Variants in SIPA1L2 observed in about 807,000 individuals in gnomAD.
SIPA1L2 encodes the protein signal induced proliferation associated 1 like 2.
SIPA1L2 carries 56 observed loss-of-function variants against 163.9 expected under a neutral mutation model. That is an observed-to-expected ratio of 0.34 (90% CI 0.28 to 0.43). The LOEUF (loss-of-function observed/expected upper bound fraction) is 0.43. Among genes scored for constraint, SIPA1L2 ranks in the 20% least tolerant of loss-of-function variants. SIPA1L2 has a pLI of 1.00. For missense variants in SIPA1L2, 1,974 were observed against 2,193.5 expected (o/e 0.90, Z 2.00); for synonymous variants, 877 against 865.7 (o/e 1.01, Z -0.23).
rs114066281 is a variant in SIPA1L2, at chr1:232,461,772, A to G, written c.2821-611T>C. On this transcript the variant is annotated intron_variant, in intron 9 of 22. Transcript: ENST00000674635. ...AAAGTCAGAGCTTTAGGAAAACTCTAAATGTTCTCTACGCACCAGCCCTAG... is the reference window on the plus strand; with the variant it reads ...AAAGTCAGAGCTTTAGGAAAACTCTGAATGTTCTCTACGCACCAGCCCTAG... Among the ~76,000 whole-genome samples the G allele has an allele frequency of 1.5e-3, 223 of 152,324 alleles. 1 individual carries two copies. Among genetic ancestry groups the G allele is most frequent in the Non-Finnish European group, 2.7e-3 (183 of 68,024 alleles).
rs546871117 is a variant in SIPA1L2, at chr1:232,621,837, G to A, written c.-319+8032C>T. On this transcript the variant is annotated intron_variant, in intron 1 of 22. Transcript: ENST00000674635. ...CTCGAACGCCTGGGCTCAAGGGATC[G>A]GCCCTCCTCAGCCTCCCCAGTGGCT... Among the ~76,000 whole-genome samples, 616 of 151,554 alleles carry A rather than the reference G, an allele frequency of 4.1e-3. 1 individual carries two copies. Among genetic ancestry groups the A allele is most frequent in the Non-Finnish European group, 6.8e-3 (461 of 67,920 alleles).
chr1:232,464,973 G>C lies in SIPA1L2; in HGVS notation c.2687C>G (p.Ser896Cys), dbSNP rs1247486415. The C allele has an allele frequency of 3.7e-6, 6 of 1,614,016 alleles. No homozygotes were observed. The highest frequency in any genetic ancestry group is 5.1e-6 in the Non-Finnish European group (6 of 1,180,038). ...TGTCCACCCAATCACATCCCTGCAG[G>C]AACAGTTGAATACAACATTCTTGGA... The part of the protein sequence containing the change: ...KDSKNVVFNC[S>C]CRDVIGWTSG... Residue 896 changes from serine (S) to cysteine (C), a missense_variant, in exon 9 of 23, where the codon TCC (serine) becomes TGC (cysteine). Around this residue, in one of 3 missense-constraint regions of SIPA1L2, gnomAD observed 1,079 missense variants for 1,150.7 expected, o/e 0.94. Coordinates refer to ENST00000674635, the MANE Select transcript of SIPA1L2 (RefSeq NM_020808.5).
chr1:232,616,977 G>T (rs1243682930), intron 1 of SIPA1L2, among the ~76,000 whole-genome samples: 5 of 152,062 alleles, frequency 3.3e-5, no homozygotes, highest in Non-Finnish European at 7.4e-5. Context: ...ATTTTTTCAG[G>T]GCTAATTGAT....
At chr1:232,520,912 A>C (rs1667432013) in intron 2 of SIPA1L2, among the ~76,000 whole-genome samples, 1 of 152,238 alleles carries the variant, frequency 6.6e-6, no homozygotes, top group African/African-American at 2.4e-5. Context: ...AATGGCTATA[A>C]AACAACCCAT....
In SIPA1L2 at chr1:232,425,752, G is replaced by A. The variant is rs374373171; in HGVS notation, c.4467C>T (p.Asp1489=). Residue 1489 remains aspartate, a synonymous_variant, in exon 18 of 23, where the codon GAC becomes GAT. Coordinates refer to ENST00000674635, the MANE Select transcript of SIPA1L2 (RefSeq NM_020808.5). ...PRRSLYRTLS[D]ESICSNRRGS... The stretch of plus-strand genomic sequence containing the variant: ...CCCTCCTGTTGCTGCAGATGCTCTC[G>A]TCAGACAGCGTGCGGTAAAGCGACC... 1.5e-5 allele frequency: 25 copies of A among 1,613,980 alleles called. No homozygotes were observed. Among genetic ancestry groups the A allele is most frequent in the African/African-American group, 5.3e-5 (4 of 74,922 alleles).
chr1:232,488,879 A>G (rs1183734998), intron 5 of SIPA1L2, among the ~76,000 whole-genome samples: 1 of 152,208 alleles, frequency 6.6e-6, no homozygotes, highest in Non-Finnish European at 1.5e-5. Flanking sequence ...GATCAGAGCT[A>G]TATTTTAGGA....
chr1:232,439,437 G>A lies in SIPA1L2; in HGVS notation c.3702C>T (p.Ser1234=), dbSNP rs1431101611. The stretch of plus-strand genomic sequence containing the variant: ...CAAAGTGCTTGTCGTCACTGTTGCT[G>A]GAGGTGTTGCTGGAGAGCGTGTTGC... ...SSSNTLSSNT[S]SNSDDKHFGS... The change falls in exon 15 of 23, where the codon TCC becomes TCT. Residue 1234 remains serine, a synonymous_variant. Transcript: ENST00000674635. 1 of 1,614,116 alleles carries A rather than the reference G, an allele frequency of 6.2e-7. No individual in the cohort carries two copies. The highest frequency in any genetic ancestry group is 1.1e-5 in the South Asian group (1 of 91,080).
chr1:232,448,238 G>A (rs1292108284), intron 10 of SIPA1L2, among the ~76,000 whole-genome samples: 2 of 152,198 alleles, frequency 1.3e-5, no homozygotes, highest in African/African-American at 4.8e-5. Flanking sequence ...AAGTCAGCCT[G>A]CGAAGCTAAT....
At chr1:232,556,221 G>C (rs1658695267) in intron 2 of SIPA1L2, among the ~76,000 whole-genome samples, 2 of 152,180 alleles carry the variant, frequency 1.3e-5, no homozygotes, top group African/African-American at 4.8e-5. Flanking sequence ...ACTCAACTAA[G>C]CTTCTCTCAT....
Position 232,428,282 on chromosome 1 carries a change from A to C in SIPA1L2, c.4410+129T>G. 3 of 708,662 alleles carry C rather than the reference A, an allele frequency of 4.2e-6. No individual in the cohort carries two copies. In the Admixed American group the frequency reaches 1.3e-4, roughly 30 times the overall value. 43.9% of individuals were successfully genotyped at this position (708,662 alleles called of 1,614,324 possible). ...TGGCAACGGTCAACTATGTGCAGTG[A>C]GTTGTTGGTAGGGTCATGAGAGATG... is the stretch of plus-strand genomic sequence containing the variant. On this transcript the variant is annotated intron_variant, in intron 17 of 22. Coordinates refer to ENST00000674635, the MANE Select transcript of SIPA1L2 (RefSeq NM_020808.5).
chr1:232,536,709 C>T lies in SIPA1L2; in HGVS notation c.-269-21101G>A, dbSNP rs2103096967. Among the ~76,000 whole-genome samples, 5 of 152,170 alleles carry T rather than the reference C, an allele frequency of 3.3e-5. No individual in the cohort carries two copies. In the South Asian group the frequency reaches 1.0e-3, roughly 32 times the overall value. On this transcript the variant is annotated intron_variant, in intron 2 of 22. Coordinates refer to ENST00000674635, the MANE Select transcript of SIPA1L2 (RefSeq NM_020808.5). ...AGTCTAATAAGCTCCTTCTTTTTCT[C>T]TTGTAACTGCAATATTGCTATGGAT... is the stretch of plus-strand genomic sequence containing the variant.
intron 14 of SIPA1L2, 23 bp downstream of exon 14, chr1:232,441,268 G>A (rs759040430): frequency 5.1e-6 from 8 of 1,566,294 alleles, no homozygotes; most frequent in Admixed American, 4.1e-5. Context: ...GGCCAGTGAA[G>A]GGCTTATGAA....
chr1:232,496,521 C>G (rs1409442013), intron 3 of SIPA1L2, among the ~76,000 whole-genome samples: 3 of 122,392 alleles, frequency 2.5e-5, no homozygotes, highest in Non-Finnish European at 5.2e-5. Context: ...CATACATAAA[C>G]AAAGATCTGG....
At chr1:232,580,464 A>G (rs1477126110) in intron 1 of SIPA1L2, among the ~76,000 whole-genome samples, 1 of 152,126 alleles carries the variant, frequency 6.6e-6, no homozygotes, top group Admixed American at 6.5e-5. Flanking sequence ...TGTCAGCCTC[A>G]TTTTACTCAG....
At chr1:232,594,106 C>G (rs1661112607) in intron 1 of SIPA1L2, among the ~76,000 whole-genome samples, 1 of 152,218 alleles carries the variant, frequency 6.6e-6, no homozygotes, top group African/African-American at 2.4e-5. Flanking sequence ...CTCAGCACTC[C>G]CCTCCAGTCT....
chr1:232,441,810 C>T lies in SIPA1L2; in HGVS notation c.3496G>A (p.Ala1166Thr), dbSNP rs753333435. The T allele has an allele frequency of 3.7e-5, 60 of 1,613,802 alleles. No homozygotes were observed. The highest frequency in any genetic ancestry group is 2.3e-4 in the Admixed American group (14 of 59,974). The part of the protein sequence containing the change: ...QGSGPLECDG[A>T]REREDTMEAS... ...TCCATGGTGTCTTCCCTCTCCCTGG[C>T]TCCGTCACATTCCAAAGGGCCTGAG... The change falls in exon 13 of 23, where the codon GCC becomes ACC. Residue 1166 changes from alanine (A) to threonine (T), a missense_variant. Around this residue, in one of 3 missense-constraint regions of SIPA1L2, gnomAD observed 1,079 missense variants for 1,150.7 expected, o/e 0.94. Coordinates refer to ENST00000674635, the MANE Select transcript of SIPA1L2 (RefSeq NM_020808.5).
chr1:232,512,000 A>C (rs1287014496), intron 3 of SIPA1L2, among the ~76,000 whole-genome samples: 1 of 152,242 alleles, frequency 6.6e-6, no homozygotes, highest in African/African-American at 2.4e-5. Flanking sequence ...TAATATCCAG[A>C]ATCTACAAGG....
intron 1 of SIPA1L2, among the ~76,000 whole-genome samples, chr1:232,584,242 T>G (rs1291508247): frequency 2.0e-5 from 3 of 152,194 alleles, no homozygotes; most frequent in African/African-American, 7.2e-5. Context: ...TCTTTTTTTT[T>G]TTAGACGGAG....
At chr1:232,457,137 T>C (rs1181737904) in intron 10 of SIPA1L2, among the ~76,000 whole-genome samples, 1 of 152,114 alleles carries the variant, frequency 6.6e-6, no homozygotes, top group Non-Finnish European at 1.5e-5. Flanking sequence ...AAAACACAGG[T>C]GGCTTTGGAT....
Sources: gnomAD v4.1 joint callset for allele counts (sites outside exome capture counted in the v4.1 genomes callset) on GRCh38, gnomAD v4.1.1 for gene constraint, gnomAD v4.1.1 regional missense constraint, MANE v1.5 for transcripts, NCBI Gene and HGNC (gene_info 2026-07-23, HGNC 2026-07-21) for gene names.